Variants in NOVA1 observed in about 807,000 individuals in gnomAD.
NOVA1 encodes NOVA alternative splicing regulator 1, also known as RNA-binding protein Nova-1.
In NOVA1, 7 loss-of-function variants were observed where a neutral mutation model predicts 38.0. That is an observed-to-expected ratio of 0.18 (90% CI 0.10 to 0.35). The LOEUF (loss-of-function observed/expected upper bound fraction) is 0.35, where lower values mean the gene tolerates loss of function less well. NOVA1 is among the 10% of genes least tolerant of loss of function. The pLI, the probability that NOVA1 is intolerant of heterozygous loss-of-function variation, is 1.00. For missense variants in NOVA1, 460 were observed against 616.0 expected (o/e 0.75, Z 2.68); for synonymous variants, 270 against 232.5 (o/e 1.16, Z -1.47).
intron 2 of NOVA1, among the ~76,000 whole-genome samples, chr14:26,546,139 T>C (rs1465504249): frequency 6.6e-6 from 1 of 152,112 alleles, no homozygotes; most frequent in Non-Finnish European, 1.5e-5. Context: ...TTTTTAATTC[T>C]AAAACATTTA....
At chr14:26,570,007 T>C (rs1035384738) in intron 2 of NOVA1, among the ~76,000 whole-genome samples, 3 of 152,138 alleles carry the variant, frequency 2.0e-5, no homozygotes. Flanking sequence ...TAAAAGTAAA[T>C]GCTAAGAAAG....
intron 2 of NOVA1, among the ~76,000 whole-genome samples, chr14:26,578,247 A>G (rs182423659): frequency 4.6e-4 from 70 of 152,272 alleles, no homozygotes; most frequent in Admixed American, 2.2e-3. Context: ...CAAAAGAGAA[A>G]TGAAAAGAGA....
At chr14:26,461,225 G>A (rs1402388560) in intron 4 of NOVA1, among the ~76,000 whole-genome samples, 1 of 152,108 alleles carries the variant, frequency 6.6e-6, no homozygotes, top group Non-Finnish European at 1.5e-5. Context: ...AAAAAGGAAT[G>A]TTACAGAGCG....
chr14:26,590,509 C>T (rs1893779355), intron 2 of NOVA1, among the ~76,000 whole-genome samples: 1 of 151,808 alleles, frequency 6.6e-6, no homozygotes, highest in African/African-American at 2.4e-5. Context: ...CAATAAATGT[C>T]ATTTGTGTCA....
intron 2 of NOVA1, among the ~76,000 whole-genome samples, chr14:26,507,977 G>C (rs868136431): frequency 6.6e-6 from 1 of 151,910 alleles, no homozygotes; most frequent in Non-Finnish European, 1.5e-5. Flanking sequence ...TATATCAATA[G>C]AAGAGGAAAA....
rs575267074 is a variant in NOVA1, at chr14:26,462,009, C to T, written c.519+10311G>A. 6.6e-5 allele frequency among the ~76,000 whole-genome samples: 10 copies of T among 152,052 alleles called. No individual in the cohort carries two copies. The South Asian group carries it at 1.9e-3, about 28-fold the overall frequency. On this transcript the variant is annotated intron_variant, in intron 4 of 4. Coordinates refer to ENST00000539517, the MANE Select transcript of NOVA1 (RefSeq NM_002515.3). ...CTGCATATAAAAATCTCTAAGAGAACCTCTAACTGTATTTAATAATAGTCA... is the reference window on the plus strand; with the variant it reads ...CTGCATATAAAAATCTCTAAGAGAATCTCTAACTGTATTTAATAATAGTCA...
intron 4 of NOVA1, among the ~76,000 whole-genome samples, chr14:26,461,460 T>C (rs1883661726): frequency 6.6e-6 from 1 of 152,146 alleles, no homozygotes; most frequent in African/African-American, 2.4e-5. Flanking sequence ...CACCACATAC[T>C]ATTTAACTTG....
intron 2 of NOVA1, among the ~76,000 whole-genome samples, chr14:26,536,038 T>C (rs1890066801): frequency 6.6e-6 from 1 of 151,404 alleles, no homozygotes; most frequent in Non-Finnish European, 1.5e-5. Context: ...ATAAAAAGAA[T>C]GAGGTCCAGT....
intron 2 of NOVA1, among the ~76,000 whole-genome samples, chr14:26,556,710 G>A (rs1243660890): frequency 2.0e-5 from 3 of 151,972 alleles, no homozygotes; most frequent in Non-Finnish European, 4.4e-5. Context: ...AAAATGAAAA[G>A]GTAAGCCACA....
At position 26,444,869 on chromosome 14, in the gene NOVA1, A is replaced by C. The variant is rs1363224121; in HGVS notation, c.*3090T>G. On this transcript the variant is annotated 3_prime_UTR_variant, in exon 5 of 5. Transcript: ENST00000539517. ...CAAACAAACAAACAAACAAAAAAAAAACAAAAAAACTGCAATGCAACTTCA... is the reference window on the plus strand; with the variant it reads ...CAAACAAACAAACAAACAAAAAAAACACAAAAAAACTGCAATGCAACTTCA... The C allele has an allele frequency of 6.6e-6, 1 of 151,148 alleles. No individual in the cohort carries two copies. Among genetic ancestry groups the C allele is most frequent in the African/African-American group, 2.5e-5 (1 of 40,500 alleles). The allele number at this position is 151,148 out of a possible 1,614,324, so 9.4% of individuals were successfully genotyped here. A position where few individuals can be genotyped will look rare whatever the true frequency, so the allele number is the denominator to read the frequency against.
Position 26,523,953 on chromosome 14 carries a change from G to A in NOVA1, c.281-43810C>T, listed in dbSNP as rs1356594450. On this transcript the variant is annotated intron_variant, in intron 2 of 4. Transcript: ENST00000539517. ...TTTTTAGTAGTGACGGGGTTTCACC[G>A]TGTTAGCCGGGATGGCCTCGATCTC... Among the ~76,000 whole-genome samples, 6 of 151,958 alleles carry A rather than the reference G, an allele frequency of 3.9e-5. No homozygotes were observed. The East Asian group carries it at 5.8e-4, about 15-fold the overall frequency.
chr14:26,556,568 A>G (rs1227128312), intron 2 of NOVA1, among the ~76,000 whole-genome samples: 1 of 152,232 alleles, frequency 6.6e-6, no homozygotes, highest in Non-Finnish European at 1.5e-5. Flanking sequence ...ATAACATAGG[A>G]TAAAATCAGG....
intron 3 of NOVA1, chr14:26,479,749 G>A (rs1885288736): frequency 7.1e-6 from 3 of 421,656 alleles, no homozygotes; most frequent in Non-Finnish European, 1.2e-5. Flanking sequence ...AGTCACATAA[G>A]TGCTCCTCAA....
chr14:26,498,348 G>A (rs1015874734), intron 2 of NOVA1, among the ~76,000 whole-genome samples: 1 of 151,910 alleles, frequency 6.6e-6, no homozygotes, highest in Non-Finnish European at 1.5e-5. Flanking sequence ...TTACAGGCGT[G>A]AGCCACCGTG....
At chr14:26,451,056 G>C (rs1043385463) in intron 4 of NOVA1, among the ~76,000 whole-genome samples, 12 of 151,510 alleles carry the variant, frequency 7.9e-5, no homozygotes, top group Non-Finnish European at 1.2e-4. Context: ...TTTCCTGCAT[G>C]ATAACCACAA....
chr14:26,473,067 TTTA>T, intron 3 of NOVA1, among the ~76,000 whole-genome samples: 1 of 151,934 alleles, frequency 6.6e-6, no homozygotes, highest in Middle Eastern at 3.4e-3. Flanking sequence ...TCATAATATT[TTTA>T]TTATTTATCT....
chr14:26,490,317 CTG>C (rs952603170), intron 2 of NOVA1, among the ~76,000 whole-genome samples: 5 of 152,158 alleles, frequency 3.3e-5, no homozygotes, highest in Non-Finnish European at 5.9e-5. Flanking sequence ...GCAATGAACA[CTG>C]GTAGCATCTG....
chr14:26,531,714 G>C (rs1490384644), intron 2 of NOVA1, among the ~76,000 whole-genome samples: 2 of 152,084 alleles, frequency 1.3e-5, no homozygotes, highest in African/African-American at 2.4e-5. Context: ...TTTACAAACT[G>C]GACTTCATGA....
intron 2 of NOVA1, among the ~76,000 whole-genome samples, chr14:26,547,101 TATA>T (rs1890838881): frequency 6.6e-6 from 1 of 152,128 alleles, no homozygotes; most frequent in Non-Finnish European, 1.5e-5. Context: ...AATAGAAAAT[TATA>T]ATGAGAAAGG....
Sources: gnomAD v4.1 joint callset for allele counts (sites outside exome capture counted in the v4.1 genomes callset) on GRCh38, gnomAD v4.1.1 for gene constraint, MANE v1.5 for transcripts, NCBI Gene and HGNC (gene_info 2026-07-23, HGNC 2026-07-21) for gene names.